The following SGCE variants were observed in gnomAD, a reference collection of about 807,000 sequenced individuals.
SGCE encodes epsilon-sarcoglycan.
SGCE carries 26 observed loss-of-function variants against 57.8 expected under a neutral mutation model. That is an observed-to-expected ratio of 0.45 (90% confidence interval 0.33 to 0.62). The LOEUF (loss-of-function observed/expected upper bound fraction) is 0.62, where lower values mean the gene tolerates loss of function less well. Among genes scored for constraint, SGCE ranks in the 20% least tolerant of loss-of-function variants. The pLI, the probability that SGCE is intolerant of heterozygous loss-of-function variation, is 0.02. For synonymous variants in SGCE, 183 were observed against 189.5 expected (o/e 0.97, Z 0.28); for missense variants, 468 against 548.6 (o/e 0.85, Z 1.47).
At chr7:94,639,447 A>AAT in intron 1 of SGCE, 1 of 1,516,328 alleles carries the variant, frequency 6.6e-7, no homozygotes, top group Non-Finnish European at 8.8e-7. Context: ...TTAATAAAAA[A>AAT]GCTTTTCAGA....
chr7:94,641,029 A>C (rs13238830), intron 1 of SGCE: 1 of 152,312 alleles, frequency 6.6e-6, no homozygotes, highest in African/African-American at 2.4e-5. Context: ...ACAACATGTT[A>C]ATAAATACAT....
intron 1 of SGCE, among the ~76,000 whole-genome samples, chr7:94,647,690 C>T (rs13245017): frequency 3.5e-3 from 527 of 152,360 alleles, no homozygotes; most frequent in Middle Eastern, 0.01. Context: ...TCCAACGCCA[C>T]TGGACTTCTT....
intron 10 of SGCE, chr7:94,588,475 C>T: frequency 1.5e-6 from 2 of 1,375,444 alleles, no homozygotes; most frequent in Non-Finnish European, 9.4e-7. Context: ...GATGCTTTTG[C>T]TCTAAGATCA....
intron 1 of SGCE, among the ~76,000 whole-genome samples, chr7:94,633,245 G>C (rs1805000071): frequency 6.6e-6 from 1 of 151,650 alleles, no homozygotes; most frequent in Non-Finnish European, 1.5e-5. Context: ...CACTATTAAT[G>C]GGAAAAACAA....
intron 5 of SGCE, among the ~76,000 whole-genome samples, chr7:94,603,714 A>G (rs1376749065): frequency 6.6e-6 from 1 of 152,074 alleles, no homozygotes; most frequent in Non-Finnish European, 1.5e-5. Flanking sequence ...ACTTTATTTC[A>G]TCCCATTTAT....
rs1798099660 is a variant in SGCE, at chr7:94,594,368, ATAAC to A, written c.1253+4403_1253+4406del. ...AACACTTATTCACTAGGCTACAAAG[ATAAC>A]TAAGTACAGATGCAGAAAAACTTAC... On this transcript the variant is annotated intron_variant, in intron 9 of 10. Coordinates refer to ENST00000648936, the MANE Select transcript of SGCE (RefSeq NM_003919.3). 2 of 152,158 alleles carry A rather than the reference ATAAC, an allele frequency of 1.3e-5. 1 individual carries two copies. Among genetic ancestry groups the A allele is most frequent in the Admixed American group, 1.3e-4 (2 of 15,268 alleles). 9.4% of individuals were successfully genotyped at this position (152,158 alleles called of 1,614,324 possible). A position where few individuals can be genotyped will look rare whatever the true frequency, so the allele number is the denominator to read the frequency against.
In SGCE at chr7:94,655,975, G is replaced by A. The variant is rs747205304; in HGVS notation, c.109+15C>T. 2.6e-6 allele frequency: 4 copies of A among 1,541,478 alleles called. No individual in the cohort carries two copies. The Admixed American group carries it at 5.0e-5, about 19-fold the overall frequency. On this transcript the variant is annotated intron_variant, in intron 1 of 10. Coordinates refer to ENST00000648936, the MANE Select transcript of SGCE (RefSeq NM_003919.3). ...GTTGGCCCCGGGACCTCCACGTCGC[G>A]CGCAGGCCACTAACCTGTCAGCAAG...
At chr7:94,626,642 T>C (rs1181286001) in intron 3 of SGCE, 1 of 151,944 alleles carries the variant, frequency 6.6e-6, no homozygotes, top group Non-Finnish European at 1.5e-5. Context: ...TCATTGATGG[T>C]TTCCATTTCT....
chr7:94,619,094 C>A, intron 4 of SGCE, 138 bp from the exon 5 acceptor site: 2 of 690,128 alleles, frequency 2.9e-6, no homozygotes, highest in Non-Finnish European at 5.2e-6. Context: ...ACTTTAAAGG[C>A]TTTCTGTTTA....
intron 4 of SGCE, 28 bp downstream of exon 4, chr7:94,623,294 TAAG>T: frequency 7.5e-7 from 1 of 1,337,522 alleles, no homozygotes; most frequent in Non-Finnish European, 1.1e-6. Context: ...TTCTTATAAA[TAAG>T]AAATGATCAA....
intron 1 of SGCE, among the ~76,000 whole-genome samples, chr7:94,641,801 T>TTAGTAG (rs976352657): frequency 6.6e-6 from 1 of 151,518 alleles, no homozygotes; most frequent in Non-Finnish European, 1.5e-5. Flanking sequence ...ATTATTATTA[T>TTAGTAG]TAGTAGTAGT....
chr7:94,653,597 T>G (rs1421107994), intron 1 of SGCE, among the ~76,000 whole-genome samples: 14 of 152,118 alleles, frequency 9.2e-5, no homozygotes, highest in Non-Finnish European at 4.4e-5. Flanking sequence ...CACAAAAATG[T>G]TACCTAAAGT....
intron 1 of SGCE, among the ~76,000 whole-genome samples, chr7:94,640,733 C>T (rs1018294965): frequency 7.9e-5 from 12 of 152,024 alleles, no homozygotes; most frequent in African/African-American, 2.4e-4. Context: ...CTGCAACCTC[C>T]GCCTCCTGGG....
intron 1 of SGCE, among the ~76,000 whole-genome samples, chr7:94,639,814 C>T (rs950463534): frequency 1.3e-5 from 2 of 152,294 alleles, no homozygotes; most frequent in Non-Finnish European, 2.9e-5. Context: ...AAGCAATTAT[C>T]TCTGGCTAGG....
intron 7 of SGCE, chr7:94,600,106 A>G (rs1798984879): frequency 4.8e-6 from 1 of 208,922 alleles, no homozygotes. Flanking sequence ...CTTAATTGAC[A>G]TAGATGTCCT....
intron 1 of SGCE, among the ~76,000 whole-genome samples, chr7:94,630,386 C>A (rs957239326): frequency 2.0e-5 from 3 of 151,680 alleles, no homozygotes; most frequent in African/African-American, 7.3e-5. Context: ...GCATTGGATA[C>A]TTTTTCTGGG....
At chr7:94,610,442 G>T (rs544599636) in intron 5 of SGCE, among the ~76,000 whole-genome samples, 3 of 152,070 alleles carry the variant, frequency 2.0e-5, no homozygotes, top group Non-Finnish European at 4.4e-5. Context: ...TGGGGGAGGC[G>T]ATGCAAAAGC....
chr7:94,623,187 C>G, intron 4 of SGCE, 138 bp downstream of exon 4: 2 of 577,150 alleles, frequency 3.5e-6, no homozygotes, highest in Non-Finnish European at 3.0e-6. Flanking sequence ...GCTTAGTTTT[C>G]TTTTCTATAT....
intron 9 of SGCE, among the ~76,000 whole-genome samples, chr7:94,592,206 T>C (rs767997868): frequency 1.2e-4 from 18 of 152,192 alleles, no homozygotes; most frequent in Non-Finnish European, 2.4e-4. Context: ...TTTAAAACTG[T>C]GTATTTCATT....
Sources: gnomAD v4.1 joint callset for allele counts (sites outside exome capture counted in the v4.1 genomes callset) on GRCh38, gnomAD v4.1.1 for gene constraint, MANE v1.5 for transcripts, NCBI Gene and HGNC (gene_info 2026-07-23, HGNC 2026-07-21) for gene names.